The following FBLN2 variants were observed in gnomAD, a reference collection of about 807,000 sequenced individuals.
FBLN2 encodes fibulin-2.
A neutral mutation model predicts 123.7 loss-of-function variants in FBLN2; 81 were observed. The ratio of observed to expected loss-of-function variants is 0.65; its 90% CI spans 0.55 to 0.79. FBLN2 has a LOEUF of 0.79. Among genes scored for constraint, FBLN2 ranks in the 30% least tolerant of loss-of-function variants. The probability of loss-of-function intolerance (pLI) is 0.00; values close to 1 mark genes in which losing one functional copy is unlikely to be tolerated. For synonymous variants in FBLN2, 699 were observed against 701.4 expected, an observed-to-expected ratio of 1.00 and a Z score of 0.05; for missense variants, 1,603 against 1,681.3, an observed-to-expected ratio of 0.95 and a Z score of 0.81.
At chr3:13,631,036 T>C (rs3773257) in intron 15 of FBLN2, among the ~76,000 whole-genome samples, 3,906 of 152,314 alleles carry the variant, frequency 0.026, 196 homozygotes, top group East Asian at 0.2. Context: ...AGAATGGTCC[T>C]GACTTCAGGG....
chr3:13,593,741 T>G (rs1397391690), intron 2 of FBLN2, among the ~76,000 whole-genome samples: 2 of 141,080 alleles, frequency 1.4e-5, no homozygotes, highest in East Asian at 2.2e-4. Context: ...AAGTGGAAGA[T>G]AATTGCCCCT....
intron 1 of FBLN2, among the ~76,000 whole-genome samples, chr3:13,564,848 C>T (rs769753508): frequency 3.9e-5 from 6 of 152,212 alleles, no homozygotes; most frequent in Non-Finnish European, 5.9e-5. Flanking sequence ...TCAAAGGAGG[C>T]AGTGTTGCTT....
Position 13,637,998 on chromosome 3 carries a change from GT to G in FBLN2, c.*84del. 1 of 1,293,308 alleles carries G rather than the reference GT, an allele frequency of 7.7e-7. No homozygotes were observed. 80.1% of individuals were successfully genotyped at this position (1,293,308 alleles called of 1,614,324 possible). ...TGGGAGGGACTGGGTCACTATTGTG[GT>G]TTTTACTATAACTTTGTAAATTAAC... On this transcript the variant is annotated 3_prime_UTR_variant, in exon 18 of 18. Coordinates refer to ENST00000404922, the MANE Select transcript of FBLN2 (RefSeq NM_001004019.2).
chr3:13,608,205 G>A lies in FBLN2; in HGVS notation c.1418+32G>A, dbSNP rs1333715469. 4 of 1,492,178 alleles carry A rather than the reference G, an allele frequency of 2.7e-6. No homozygotes were observed. The East Asian group carries it at 9.8e-5, about 37-fold the overall frequency. The allele number at this position is 1,492,178 out of a possible 1,614,324, so 92.4% of individuals were successfully genotyped here. On this transcript the variant is annotated intron_variant, in intron 3 of 17. Coordinates refer to ENST00000404922, the MANE Select transcript of FBLN2 (RefSeq NM_001004019.2). ...TGGGCTCCCTGGAGCAGGCGGAGCT[G>A]CCCATTTGCCTTCTCCAGAACCCTG...
At position 13,570,816 on chromosome 3, in the gene FBLN2, T is replaced by C; in HGVS notation, c.461T>C (p.Leu154Pro). ...HKYAAGHTVH[L>P]PPCRACHCPD... is the part of the protein sequence containing the mutation. ...TACGCCGCTGGCCACACTGTTCACC[T>C]GCCGCCCTGCCGGGCCTGCCACTGC... The change falls in exon 2 of 18, where the codon CTG becomes CCG. Residue 154 changes from leucine to proline, a missense_variant. Leu to Pro is a moderately conservative substitution (Grantham distance 98). Transcript: ENST00000404922. The C allele has an allele frequency of 6.3e-7, 1 of 1,595,650 alleles. No individual in the cohort carries two copies. Among genetic ancestry groups the C allele is most frequent in the Non-Finnish European group, 8.5e-7 (1 of 1,172,324 alleles).
intron 17 of FBLN2, among the ~76,000 whole-genome samples, chr3:13,636,964 G>A (rs539402046): frequency 5.8e-4 from 89 of 152,334 alleles, no homozygotes; most frequent in Middle Eastern, 3.4e-3. Context: ...CTGCCTGTCC[G>A]GGGTGCGGGA....
chr3:13,571,047 C>T lies in FBLN2; in HGVS notation c.692C>T (p.Ala231Val). The change falls in exon 2 of 18, where the codon GCT (alanine) becomes GTT (valine). Residue 231 changes from alanine (A) to valine (V), a missense_variant. Ala to Val is a moderately conservative substitution (Grantham distance 64). Coordinates refer to ENST00000404922, the MANE Select transcript of FBLN2 (RefSeq NM_001004019.2). Reference protein sequence around the residue: ...VQAGAGGPPAALGGGSQPLST... With the variant: ...VQAGAGGPPAVLGGGSQPLST... Reference sequence around the variant, plus strand: ...GCAGGCGCAGGGGGCCCCCCAGCTGCTCTGGGAGGTGGGAGTCAGCCACTG... The same window carrying T: ...GCAGGCGCAGGGGGCCCCCCAGCTGTTCTGGGAGGTGGGAGTCAGCCACTG... 1 of 1,564,956 alleles carries T rather than the reference C, an allele frequency of 6.4e-7. No individual in the cohort carries two copies. The highest frequency in any genetic ancestry group is 8.7e-7 in the Non-Finnish European group (1 of 1,155,618).
chr3:13,622,498 G>A (rs921213372), intron 9 of FBLN2, among the ~76,000 whole-genome samples: 1 of 152,220 alleles, frequency 6.6e-6, no homozygotes, highest in Non-Finnish European at 1.5e-5. Flanking sequence ...AGCCCGCCTC[G>A]CATACCAGCT....
intron 2 of FBLN2, among the ~76,000 whole-genome samples, chr3:13,592,252 C>T (rs1255253061): frequency 3.3e-5 from 5 of 151,970 alleles, no homozygotes; most frequent in African/African-American, 7.3e-5. Context: ...TCTCGAACTC[C>T]TGACCTCAAG....
At chr3:13,601,944 T>A (rs1705047452) in intron 2 of FBLN2, among the ~76,000 whole-genome samples, 1 of 152,196 alleles carries the variant, frequency 6.6e-6, no homozygotes, top group Non-Finnish European at 1.5e-5. Context: ...AATGCAGGCA[T>A]GTACCACCAT....
chr3:13,567,502 C>G (rs1429975816), intron 1 of FBLN2, among the ~76,000 whole-genome samples: 4 of 152,214 alleles, frequency 2.6e-5, no homozygotes, highest in Non-Finnish European at 5.9e-5. Flanking sequence ...GGATTACAGG[C>G]ACACGCCATC....
At chr3:13,560,650 G>C (rs183180165) in intron 1 of FBLN2, among the ~76,000 whole-genome samples, 23 of 152,322 alleles carry the variant, frequency 1.5e-4, no homozygotes, top group African/African-American at 5.5e-4. Context: ...GGCAACTGTA[G>C]TTTTCAAGAT....
chr3:13,636,572 A>T lies in FBLN2; in HGVS notation c.3338+4A>T. The T allele has an allele frequency of 6.2e-7, 1 of 1,612,804 alleles. No individual in the cohort carries two copies. Among genetic ancestry groups the T allele is most frequent in the Non-Finnish European group, 8.5e-7 (1 of 1,179,438 alleles). On this transcript the variant is annotated splice_donor_region_variant and intron_variant, in intron 17 of 17. Coordinates refer to ENST00000404922, the MANE Select transcript of FBLN2 (RefSeq NM_001004019.2). ...ACTATGTCCAAGTCTCCAAAACGTG[A>T]GTGTCCCCACCCCAGTCCCAGTCCC...
At chr3:13,622,538 A>G (rs2124899045) in intron 9 of FBLN2, among the ~76,000 whole-genome samples, 1 of 152,284 alleles carries the variant, frequency 6.6e-6, no homozygotes, top group East Asian at 1.9e-4. Flanking sequence ...GACCTTGAGC[A>G]GCGGAGCTCT....
chr3:13,594,833 T>A (rs7609773), intron 2 of FBLN2, among the ~76,000 whole-genome samples: 34 of 152,202 alleles, frequency 2.2e-4, no homozygotes, highest in African/African-American at 7.9e-4. Flanking sequence ...GAGCCTGCTG[T>A]GAGAGTGGGC....
chr3:13,588,891 A>G (rs1704586670), intron 2 of FBLN2, among the ~76,000 whole-genome samples: 1 of 152,194 alleles, frequency 6.6e-6, no homozygotes, highest in African/African-American at 2.4e-5. Flanking sequence ...CGAGAAAGAA[A>G]AAGCAACAGA....
At chr3:13,555,905 C>T (rs1703452269) in intron 1 of FBLN2, among the ~76,000 whole-genome samples, 1 of 152,226 alleles carries the variant, frequency 6.6e-6, no homozygotes. Context: ...GTGCTTGTCC[C>T]TGAAATCAGC....
At chr3:13,636,974 A>G (rs150446648) in intron 17 of FBLN2, among the ~76,000 whole-genome samples, 128 of 152,226 alleles carry the variant, frequency 8.4e-4, no homozygotes, top group African/African-American at 2.8e-3. Flanking sequence ...GGGGTGCGGG[A>G]TCCTGCCACT....
At position 13,637,390 on chromosome 3, in the gene FBLN2, G is replaced by T. The variant is rs572649782; in HGVS notation, c.3339-172G>T. On this transcript the variant is annotated intron_variant, in intron 17 of 17. Coordinates refer to ENST00000404922, the MANE Select transcript of FBLN2 (RefSeq NM_001004019.2). ...GTGAAGGTTTTATTAACCTCATCTC[G>T]CAGGCAAGGAAACTGAGACCCAGGG... 4.6e-5 allele frequency among the ~76,000 whole-genome samples: 7 copies of T among 152,294 alleles called. No homozygotes were observed. In the South Asian group the frequency reaches 1.5e-3, roughly 32 times the overall value.
Sources: gnomAD v4.1 joint callset for allele counts (sites outside exome capture counted in the v4.1 genomes callset) on GRCh38, gnomAD v4.1.1 for gene constraint, MANE v1.5 for transcripts, NCBI Gene and HGNC (gene_info 2026-07-23, HGNC 2026-07-21) for gene names.